The following ARID1B variants were observed in gnomAD, a reference collection of about 807,000 sequenced individuals.
ARID1B encodes AT-rich interactive domain-containing protein 1B.
ARID1B carries 30 observed loss-of-function variants against 212.3 expected under a neutral mutation model. That is an observed-to-expected ratio of 0.14 (90% CI 0.11 to 0.19). ARID1B has a LOEUF of 0.19. Ranked by LOEUF, ARID1B falls within the 10% of genes least tolerant of loss-of-function variation. The pLI is 1.00. For synonymous variants in ARID1B, 1,402 were observed against 1,301.7 expected (o/e 1.08, Z -1.66); for missense variants, 2,891 against 3,204.0 (o/e 0.90, Z 2.36).
chr6:156,954,159 A>AG (rs1388526681), intron 4 of ARID1B, among the ~76,000 whole-genome samples: 7 of 152,054 alleles, frequency 4.6e-5, no homozygotes, highest in Non-Finnish European at 7.4e-5. Flanking sequence ...CAGAGGAGAC[A>AG]AAGTTCTAAG....
intron 5 of ARID1B, among the ~76,000 whole-genome samples, chr6:157,104,137 A>C (rs1786297425): frequency 6.6e-6 from 1 of 152,312 alleles, no homozygotes; most frequent in Non-Finnish European, 1.5e-5. Context: ...GCCCGGCCTA[A>C]CAACTCTGTT....
chr6:156,815,562 G>T (rs1481198197), intron 1 of ARID1B, among the ~76,000 whole-genome samples: 1 of 152,140 alleles, frequency 6.6e-6, no homozygotes, highest in African/African-American at 2.4e-5. Context: ...TGACAGCAGG[G>T]TAATGACAGC....
chr6:157,115,423 GTTTGTTTGT>G (rs1019500319), intron 6 of ARID1B, among the ~76,000 whole-genome samples: 8 of 146,822 alleles, frequency 5.4e-5, no homozygotes, highest in Admixed American at 2.1e-4. Flanking sequence ...AGTTTTCTTT[GTTTGTTTGT>G]TTTGTTTGTT....
In ARID1B at chr6:156,995,949, A is replaced by C. The variant is rs1173007020; in HGVS notation, c.2247+60373A>C. Among the ~76,000 whole-genome samples, 8 of 152,298 alleles carry C rather than the reference A, an allele frequency of 5.3e-5. 1 individual carries two copies. The South Asian group carries it at 1.5e-3, about 28-fold the overall frequency. On this transcript the variant is annotated intron_variant, in intron 4 of 19. Transcript: ENST00000636930. ...AAAAAGAATTCACTTGAGTGATGAG[A>C]AGAGTCCTCTCTCCCTGTGATATAA...
In ARID1B at chr6:156,913,021, CTT is replaced by C. The variant is rs112512329; in HGVS notation, c.2136+11509_2136+11510del. ...ATTGAAATGGCTCTTTTCATACTTT[CTT>C]TTTTTTTTTTTTCACTTGCTTTGTA... On this transcript the variant is annotated intron_variant, in intron 3 of 19. Transcript: ENST00000636930. Among the ~76,000 whole-genome samples, 514 of 136,612 alleles carry C rather than the reference CTT, an allele frequency of 3.8e-3. 3 individuals are homozygous for C. Among genetic ancestry groups the C allele is most frequent in the African/African-American group, 0.011 (412 of 36,566 alleles). 89.6% of individuals were successfully genotyped at this position (136,612 alleles called of 152,430 possible). A position where few individuals can be genotyped will look rare whatever the true frequency, so the allele number is the denominator to read the frequency against.
At chr6:157,122,061 G>A (rs1273964822) in intron 6 of ARID1B, among the ~76,000 whole-genome samples, 1 of 152,206 alleles carries the variant, frequency 6.6e-6, no homozygotes, top group Non-Finnish European at 1.5e-5. Flanking sequence ...TTTTAGAAAT[G>A]CTAGTTTGTT....
At chr6:156,856,718 A>T (rs1297663029) in intron 2 of ARID1B, among the ~76,000 whole-genome samples, 1,904 of 130,464 alleles carry the variant, frequency 0.015, 34 homozygotes, top group African/African-American at 0.05. Context: ...ACACACACAC[A>T]CACACACACA....
In ARID1B at chr6:156,779,363, C is replaced by T. The variant is rs747174363; in HGVS notation, c.1683C>T (p.Asp561=). 9 of 1,329,960 alleles carry T rather than the reference C, an allele frequency of 6.8e-6. No homozygotes were observed. The highest frequency in any genetic ancestry group is 7.7e-6 in the Non-Finnish European group (8 of 1,034,710). The allele number at this position is 1,329,960 out of a possible 1,614,324, so 82.4% of individuals were successfully genotyped here. The change falls in exon 1 of 20, where the codon GAC becomes GAT. Residue 561 remains aspartate (D), a synonymous_variant. Coordinates refer to ENST00000636930, the MANE Select transcript of ARID1B (RefSeq NM_001374828.1). ...CCGCGGGCATGGGCTTGGGCAAGGA[C>T]ATGGGCGCCCAGTACGCCGCTGCCA... is the stretch of plus-strand genomic sequence containing the variant. ...QAAAGMGLGK[D]MGAQYAAASP... is the part of the protein sequence containing the mutation.
At position 156,901,491 on chromosome 6, in the gene ARID1B, C is replaced by T. The variant is rs772078777; in HGVS notation, c.2102C>T (p.Pro701Leu). 33 of 1,613,754 alleles carry T rather than the reference C, an allele frequency of 2.0e-5. No individual in the cohort carries two copies. The highest frequency in any genetic ancestry group is 1.3e-4 in the Admixed American group (8 of 59,996). ...PHLPPQAQYL[P>L]SQSQQRYQPQ... Reference sequence around the variant, plus strand: ...CTCCCACCCCAGGCGCAGTATCTGCCGTCCCAGTCCCAGCAGAGGTACCAG... The same window carrying T: ...CTCCCACCCCAGGCGCAGTATCTGCTGTCCCAGTCCCAGCAGAGGTACCAG... Residue 701 changes from proline (P) to leucine (L), a missense_variant, in exon 3 of 20, where the codon CCG becomes CTG. By Grantham distance (98) the Pro-to-Leu change is moderately conservative. Around this residue, in one of 7 missense-constraint regions of ARID1B, gnomAD observed 1,643 missense variants for 1,544.0 expected, o/e 1.06. Transcript: ENST00000636930.
chr6:156,931,425 G>A (rs1791705208), intron 3 of ARID1B, among the ~76,000 whole-genome samples: 1 of 152,122 alleles, frequency 6.6e-6, no homozygotes, highest in African/African-American at 2.4e-5. Context: ...TAGTAGAAGT[G>A]GGATACTAGT....
At chr6:157,046,120 AATACTTT>A (rs1782225227) in intron 4 of ARID1B, among the ~76,000 whole-genome samples, 1 of 152,220 alleles carries the variant, frequency 6.6e-6, no homozygotes, top group South Asian at 2.1e-4. Flanking sequence ...ATTTGGGGGA[AATACTTT>A]ATGTATATTT....
rs2115001638 is a variant in ARID1B at position 156,779,298 on chromosome 6, G to A, written c.1618G>A (p.Ala540Thr). The A allele has an allele frequency of 9.8e-7, 1 of 1,025,430 alleles. No homozygotes were observed. The highest frequency in any genetic ancestry group is 1.2e-6 in the Non-Finnish European group (1 of 839,874). 63.5% of individuals were successfully genotyped at this position (1,025,430 alleles called of 1,614,324 possible). A position where few individuals can be genotyped will look rare whatever the true frequency, so the allele number is the denominator to read the frequency against. ...PPPPSQPQSQ[A>T]AAAGAAAGGQ... ...GCCGCCGTCGCAGCCCCAGTCCCAG[G>A]CGGCGGCGGCGGGGGCGGCGGCGGG... is the stretch of plus-strand genomic sequence containing the variant. Residue 540 changes from alanine to threonine, a missense_variant, in exon 1 of 20, where the codon GCG becomes ACG. By Grantham distance (58) the Ala-to-Thr change is moderately conservative. Coordinates refer to ENST00000636930, the MANE Select transcript of ARID1B (RefSeq NM_001374828.1).
intron 2 of ARID1B, among the ~76,000 whole-genome samples, chr6:156,897,236 T>TCTTCTTCTTCTTCTC (rs1788513694): frequency 3.1e-5 from 3 of 96,330 alleles, no homozygotes; most frequent in Non-Finnish European, 4.2e-5. Context: ...TTCTTCTTCT[T>TCTTCTTCTTCTTCTC]CTTCTTCTTC....
chr6:156,973,830 A>G (rs1248924143), intron 4 of ARID1B, among the ~76,000 whole-genome samples: 1 of 152,214 alleles, frequency 6.6e-6, no homozygotes, highest in African/African-American at 2.4e-5. Flanking sequence ...CCTCAAAGAC[A>G]TTTATTGGCA....
chr6:157,030,343 A>G (rs1277086804), intron 4 of ARID1B: 1 of 152,276 alleles, frequency 6.6e-6, no homozygotes, highest in Non-Finnish European at 1.5e-5. Context: ...GTGGCACAGC[A>G]TGATTGCTGC....
chr6:157,185,605 G>T (rs983824169), intron 13 of ARID1B: 3 of 152,180 alleles, frequency 2.0e-5, no homozygotes, highest in African/African-American at 4.8e-5. Context: ...GTCTTATCTG[G>T]GGCATCTGGT....
At chr6:156,859,924 A>C (rs571662663) in intron 2 of ARID1B, among the ~76,000 whole-genome samples, 2 of 152,154 alleles carry the variant, frequency 1.3e-5, no homozygotes, top group African/African-American at 4.8e-5. Context: ...AGTTGTTTCA[A>C]CCATTTGGTC....
intron 2 of ARID1B, among the ~76,000 whole-genome samples, chr6:156,829,898 T>G (rs933978886): frequency 6.6e-6 from 1 of 152,220 alleles, no homozygotes; most frequent in African/African-American, 2.4e-5. Context: ...ATTTCTTAAA[T>G]TATTTCTTCT....
chr6:156,824,495 C>T (rs761592356), intron 1 of ARID1B, among the ~76,000 whole-genome samples: 12 of 152,154 alleles, frequency 7.9e-5, no homozygotes, highest in Non-Finnish European at 1.3e-4. Flanking sequence ...CCAGGCGCAG[C>T]GGCTCACGCC....
Sources: allele counts gnomAD v4.1 joint callset (sites outside exome capture counted in the v4.1 genomes callset), GRCh38; gene constraint gnomAD v4.1.1; regional missense constraint gnomAD v4.1.1; transcripts MANE v1.5; gene names NCBI Gene and HGNC (gene_info 2026-07-23, HGNC 2026-07-21).